The following MAP4K5 variants were observed in gnomAD, a reference collection of about 807,000 sequenced individuals.
MAP4K5 encodes mitogen-activated protein kinase kinase kinase kinase 5, also known as MAPK/ERK kinase kinase kinase 5.
Under a neutral mutation model 135.6 loss-of-function variants are expected in MAP4K5, and 82 were observed. The ratio of observed to expected loss-of-function variants is 0.60; its 90% CI spans 0.51 to 0.73. MAP4K5 has a LOEUF of 0.73. Among genes scored for constraint, MAP4K5 ranks in the 30% least tolerant of loss-of-function variants. The pLI is 0.00. For missense variants in MAP4K5, 907 were observed against 1,010.9 expected, an observed-to-expected ratio of 0.90 and a Z score of 1.39; for synonymous variants, 347 against 335.0, an observed-to-expected ratio of 1.04 and a Z score of -0.39.
chr14:50,479,374 C>G (rs1018811841), intron 6 of MAP4K5, among the ~76,000 whole-genome samples: 1 of 152,022 alleles, frequency 6.6e-6, no homozygotes, highest in Non-Finnish European at 1.5e-5. Context: ...TTCAAATATA[C>G]GTTTTTTGCA....
chr14:50,443,970 A>G lies in MAP4K5; in HGVS notation c.1406T>C (p.Leu469Ser). The change falls in exon 19 of 33, where the codon TTA (leucine) becomes TCA (serine). Residue 469 changes from leucine to serine, a missense_variant. By Grantham distance (145) the Leu-to-Ser change is moderately radical. This residue lies in a region of MAP4K5 where 690 missense variants were observed against 777.4 expected (regional missense o/e 0.89). Coordinates refer to ENST00000682126, the MANE Select transcript of MAP4K5 (RefSeq NM_006575.6). ...GTCTCGTTTGTCCTTTTTTCGTGGT[A>G]ACTGTGGTGCTTGTGCTGATCCTTC... ...NTEGSAQAPQLPRKKDKRDFP... is the reference protein window; with the variant it reads ...NTEGSAQAPQSPRKKDKRDFP... 6.2e-7 allele frequency: 1 copy of G among 1,609,370 alleles called. No homozygotes were observed. The highest frequency in any genetic ancestry group is 2.2e-5 in the East Asian group (1 of 44,734).
intron 3 of MAP4K5, among the ~76,000 whole-genome samples, chr14:50,501,410 CA>C (rs1444984170): frequency 1.3e-5 from 2 of 151,784 alleles, no homozygotes; most frequent in Non-Finnish European, 2.9e-5. Flanking sequence ...AAGAAACCCC[CA>C]GCTATAATTT....
chr14:50,543,908 G>A (rs1255521715), intron 1 of MAP4K5, among the ~76,000 whole-genome samples: 1 of 152,140 alleles, frequency 6.6e-6, no homozygotes, highest in Non-Finnish European at 1.5e-5. Flanking sequence ...AGATGACATG[G>A]TCACAATTCT....
intron 2 of MAP4K5, among the ~76,000 whole-genome samples, chr14:50,528,588 C>CCA (rs1272757537): frequency 1.3e-5 from 2 of 151,776 alleles, no homozygotes; most frequent in Non-Finnish European, 2.9e-5. Context: ...AGGCATGTTG[C>CCA]CACACACACT....
At chr14:50,430,106 A>C (rs752897419) in intron 28 of MAP4K5, among the ~76,000 whole-genome samples, 11 of 152,124 alleles carry the variant, frequency 7.2e-5, no homozygotes, top group Non-Finnish European at 1.6e-4. Context: ...CAGACATTTC[A>C]TACTTCTGAA....
At chr14:50,496,229 G>C (rs1017314515) in intron 3 of MAP4K5, among the ~76,000 whole-genome samples, 2 of 152,056 alleles carry the variant, frequency 1.3e-5, no homozygotes, top group African/African-American at 2.4e-5. Context: ...GGGAGGCTGA[G>C]GCAGGAGAAT....
chr14:50,479,179 T>C (rs2139893107), intron 6 of MAP4K5, among the ~76,000 whole-genome samples: 1 of 39,372 alleles, frequency 2.5e-5, no homozygotes, highest in Middle Eastern at 0.016. Flanking sequence ...GTCTCTTCAT[T>C]CTCTCTCTTT....
intron 1 of MAP4K5, chr14:50,560,506 G>A: frequency 3.1e-6 from 2 of 647,448 alleles, no homozygotes; most frequent in East Asian, 5.7e-5. Context: ...TCGGGGTGAG[G>A]GCTGCAGCTT....
At chr14:50,547,030 G>C (rs1217069441) in intron 1 of MAP4K5, among the ~76,000 whole-genome samples, 6 of 152,066 alleles carry the variant, frequency 3.9e-5, no homozygotes. Context: ...TCACTCATAA[G>C]TGGGAGTTGA....
At position 50,515,509 on chromosome 14, in the gene MAP4K5, T is replaced by C. The variant is rs536165657; in HGVS notation, c.109-10652A>G. 3.3e-5 allele frequency among the ~76,000 whole-genome samples: 5 copies of C among 152,276 alleles called. 1 individual carries two copies. Among genetic ancestry groups the C allele is most frequent in the African/African-American group, 1.2e-4 (5 of 41,576 alleles). ...TTACCTATCAGGATTAAACTTCCTCTTCCCTCTATTGTACTAGCCTGGCAA... is the reference window on the plus strand; with the variant it reads ...TTACCTATCAGGATTAAACTTCCTCCTCCCTCTATTGTACTAGCCTGGCAA... On this transcript the variant is annotated intron_variant, in intron 2 of 32. Transcript: ENST00000682126.
chr14:50,481,897 A>G (rs1266765580), intron 6 of MAP4K5, among the ~76,000 whole-genome samples: 2 of 152,216 alleles, frequency 1.3e-5, no homozygotes, highest in African/African-American at 2.4e-5. Flanking sequence ...ATGCTGTGCT[A>G]ATTTATTTTA....
intron 2 of MAP4K5, among the ~76,000 whole-genome samples, chr14:50,513,719 A>G (rs1170659013): frequency 1.3e-5 from 2 of 152,218 alleles, no homozygotes; most frequent in African/African-American, 4.8e-5. Context: ...CCTACCCCAG[A>G]CAACTTTCTC....
chr14:50,454,899 T>C (rs1313807659), intron 14 of MAP4K5, among the ~76,000 whole-genome samples: 2 of 151,916 alleles, frequency 1.3e-5, no homozygotes, highest in African/African-American at 2.4e-5. Context: ...AAGGTACATA[T>C]GTGTGTGTTG....
intron 1 of MAP4K5, chr14:50,560,903 C>G (rs1250335504): frequency 6.5e-6 from 1 of 153,478 alleles, no homozygotes; most frequent in Non-Finnish European, 1.4e-5. Context: ...CACTGCAGTA[C>G]TCCTCTTAAT....
rs2036134808 is a variant in MAP4K5 at position 50,437,957 on chromosome 14, G to C, written c.1760C>G (p.Ala587Gly). 1 of 1,612,316 alleles carries C rather than the reference G, an allele frequency of 6.2e-7. No individual in the cohort carries two copies. Among genetic ancestry groups the C allele is most frequent in the African/African-American group, 1.3e-5 (1 of 74,804 alleles). The change falls in exon 25 of 33, where the codon GCC (alanine) becomes GGC (glycine). Residue 587 changes from alanine to glycine, a missense_variant. Ala to Gly is a moderately conservative substitution (Grantham distance 60). Around this residue, in one of 3 missense-constraint regions of MAP4K5, gnomAD observed 690 missense variants for 777.4 expected, o/e 0.89. Coordinates refer to ENST00000682126, the MANE Select transcript of MAP4K5 (RefSeq NM_006575.6). ...ATGGGCAGCTAATCCTGGTTTTTTG[G>C]CATGTTCAAACAAAGCTATAAGATT... Reference protein sequence around the residue: ...SHNLIALFEHAKKPGLAAHIQ... With the variant: ...SHNLIALFEHGKKPGLAAHIQ...
chr14:50,446,806 C>T (rs560179597), intron 16 of MAP4K5, among the ~76,000 whole-genome samples: 57 of 152,154 alleles, frequency 3.7e-4, no homozygotes, highest in African/African-American at 1.2e-3. Context: ...CAGCCATGTA[C>T]GATACATAAA....
At chr14:50,424,037 A>ATTCTCCAT (rs2035790243) in intron 31 of MAP4K5, among the ~76,000 whole-genome samples, 1 of 151,866 alleles carries the variant, frequency 6.6e-6, no homozygotes, top group Non-Finnish European at 1.5e-5. Flanking sequence ...GCCCCTCTTT[A>ATTCTCCAT]TTCTCCATTC....
At chr14:50,518,903 G>A (rs2038089911) in intron 2 of MAP4K5, among the ~76,000 whole-genome samples, 1 of 152,234 alleles carries the variant, frequency 6.6e-6, no homozygotes, top group South Asian at 2.1e-4. Context: ...CATTGTTGAT[G>A]GGTGCAAATT....
chr14:50,537,207 C>A (rs750017328), upstream of MAP4K5, among the ~76,000 whole-genome samples: 1 of 152,212 alleles, frequency 6.6e-6, no homozygotes, highest in Non-Finnish European at 1.5e-5. Context: ...AAGGGGCCAA[C>A]ATAGAGCTGG....
Sources: allele counts gnomAD v4.1 joint callset (sites outside exome capture counted in the v4.1 genomes callset), GRCh38; gene constraint gnomAD v4.1.1; regional missense constraint gnomAD v4.1.1; transcripts MANE v1.5; gene names NCBI Gene and HGNC (gene_info 2026-07-23, HGNC 2026-07-21).